SKOR2: variants seen among roughly 807,000 people sequenced by gnomAD.
SKOR2 encodes the protein SKI family transcriptional corepressor 2.
Under a neutral mutation model 69.1 loss-of-function variants are expected in SKOR2, and 47 were observed. That is an observed-to-expected ratio of 0.68 (90% CI 0.54 to 0.87). The LOEUF (loss-of-function observed/expected upper bound fraction) is 0.87. Ranked by LOEUF, SKOR2 falls within the 40% of genes least tolerant of loss-of-function variation. SKOR2 has a pLI of 0.00. For missense variants in SKOR2, 1,404 were observed against 1,472.2 expected (o/e 0.95, Z 0.76); for synonymous variants, 717 against 672.6 (o/e 1.07, Z -1.02).
chr18:47,232,144 TAAATA>T lies in SKOR2; in HGVS notation c.2753-1149_2753-1145del, dbSNP rs1190766684. Among the ~76,000 whole-genome samples the T allele has an allele frequency of 3.3e-5, 5 of 151,148 alleles. No individual in the cohort carries two copies. In the Middle Eastern group the frequency reaches 0.014, roughly 414 times the overall value. On this transcript the variant is annotated intron_variant, in intron 4 of 8. Transcript: ENST00000425639. ...ACCCTGTCTCAAAAAAACAAATAAA[TAAATA>T]AAATAAAAAGTAAAAAAAAATTAAA...
At chr18:47,211,388 C>T (rs1172426642) in intron 8 of SKOR2, among the ~76,000 whole-genome samples, 1 of 152,184 alleles carries the variant, frequency 6.6e-6, no homozygotes, top group Non-Finnish European at 1.5e-5. Flanking sequence ...CTAGTTTTTG[C>T]ATTCCCACAA....
chr18:47,248,402 G>A lies in SKOR2; in HGVS notation c.782C>T (p.Ala261Val). 6 of 1,345,644 alleles carry A rather than the reference G, an allele frequency of 4.5e-6. No homozygotes were observed. Among genetic ancestry groups the A allele is most frequent in the South Asian group, 3.1e-5 (2 of 64,132 alleles). 83.4% of individuals were successfully genotyped at this position (1,345,644 alleles called of 1,614,324 possible). The change falls in exon 2 of 9, where the codon GCG (alanine) becomes GTG (valine). Residue 261 changes from alanine to valine, a missense_variant. Physicochemically the swap from Ala to Val is moderately conservative, Grantham distance 64 (BLOSUM62 0). Around this residue, in one of 3 missense-constraint regions of SKOR2, gnomAD observed 1,266 missense variants for 1,309.9 expected, o/e 0.97. Transcript: ENST00000425639. The surrounding 1 kb of genome is among the most constrained non-coding windows in gnomAD (Gnocchi z 6.4). The stretch of plus-strand genomic sequence containing the variant: ...CGCGGCCGCGGCGGCCACGGCGGCC[G>A]CCTTCACAGAGCTGAGCGGGTGGCA... ...PACHPLSSVK[A>V]AAVAAAAAVA... is the part of the protein sequence containing the mutation.
chr18:47,221,012 G>C (rs548157504), intron 6 of SKOR2, among the ~76,000 whole-genome samples: 4 of 152,104 alleles, frequency 2.6e-5, no homozygotes, highest in Admixed American at 2.6e-4. Context: ...TTTTCCGACT[G>C]ACCACCTGCC....
At chr18:47,213,101 C>G (rs2144476584) in intron 7 of SKOR2, among the ~76,000 whole-genome samples, 1 of 152,140 alleles carries the variant, frequency 6.6e-6, no homozygotes, top group East Asian at 1.9e-4. Flanking sequence ...AGTTGGTATG[C>G]TACTTTTCAT....
intron 1 of SKOR2, among the ~76,000 whole-genome samples, 159 bp from the exon 2 acceptor site, chr18:47,249,389 T>C (rs2064303148): frequency 6.6e-6 from 1 of 152,230 alleles, no homozygotes; most frequent in Non-Finnish European, 1.5e-5. Context: ...AAGAAAGTCA[T>C]CTCTTAATTT....
chr18:47,214,140 A>C (rs746708860), intron 7 of SKOR2, among the ~76,000 whole-genome samples: 4 of 152,210 alleles, frequency 2.6e-5, no homozygotes. Context: ...CAGGAGAGAT[A>C]AGTTAAATCA....
rs905813629 is a variant in SKOR2, at chr18:47,246,477, G to A, written c.2613+94C>T. ...TTTCATTTCTGTGGGGAAATCTGGT[G>A]ATTCATCTTTCCTGCGCATATGTAA... On this transcript the variant is annotated intron_variant, in intron 2 of 8. Transcript: ENST00000425639. 2.2e-6 allele frequency: 3 copies of A among 1,343,650 alleles called. No individual in the cohort carries two copies. The African/African-American group carries it at 4.7e-5, about 21-fold the overall frequency. 83.2% of individuals were successfully genotyped at this position (1,343,650 alleles called of 1,614,324 possible). A position where few individuals can be genotyped will look rare whatever the true frequency, so the allele number is the denominator to read the frequency against.
chr18:47,220,292 G>A (rs2064157342), intron 6 of SKOR2, among the ~76,000 whole-genome samples: 1 of 152,004 alleles, frequency 6.6e-6, no homozygotes, highest in African/African-American at 2.4e-5. Context: ...ACACAATCAT[G>A]TTCTTTAACC....
At chr18:47,215,581 G>A (rs2064141575) in intron 7 of SKOR2, among the ~76,000 whole-genome samples, 1 of 152,010 alleles carries the variant, frequency 6.6e-6, no homozygotes, top group Admixed American at 6.6e-5. Flanking sequence ...CCATCATCAG[G>A]AAGTTGTAAA....
chr18:47,246,834 C>A lies in SKOR2; in HGVS notation c.2350G>T (p.Gly784Cys). ...CCTCGGCCCTGGAGGAACCGGCCGC[C>A]CCCGACTAAGGGGTCGCCGAGTAGG... ...EVLLGDPLVG[G>C]GRFLQGRGPS... Residue 784 changes from glycine to cysteine, a missense_variant, in exon 2 of 9, where the codon GGC becomes TGC. Physicochemically the swap from Gly to Cys is radical, Grantham distance 159. Transcript: ENST00000425639. The A allele has an allele frequency of 6.8e-7, 1 of 1,468,818 alleles. No homozygotes were observed. Among genetic ancestry groups the A allele is most frequent in the Non-Finnish European group, 9.0e-7 (1 of 1,116,420 alleles). The allele number at this position is 1,468,818 out of a possible 1,614,324, so 91.0% of individuals were successfully genotyped here.
At position 47,247,558 on chromosome 18, in the gene SKOR2, G is replaced by T; in HGVS notation, c.1626C>A (p.Ser542=). ...PPQVVANGPG[S]GPPPPAGGAG... is the part of the protein sequence containing the mutation. The stretch of plus-strand genomic sequence containing the variant: ...CGCCCCCGGCAGGAGGAGGTGGGCC[G>T]GAGCCCGGGCCGTTGGCCACTACCT... The change falls in exon 2 of 9, where the codon TCC becomes TCA. Residue 542 remains serine (S), a synonymous_variant. Coordinates refer to ENST00000425639, the MANE Select transcript of SKOR2 (RefSeq NM_001278063.4). This position sits in a 1 kb window ranked among gnomAD's most constrained non-coding sequence, Gnocchi z 6.6. 1 of 1,231,554 alleles carries T rather than the reference G, an allele frequency of 8.1e-7. No individual in the cohort carries two copies. The allele number at this position is 1,231,554 out of a possible 1,614,324, so 76.3% of individuals were successfully genotyped here.
At chr18:47,238,372 G>C (rs908568687) in intron 4 of SKOR2, among the ~76,000 whole-genome samples, 1 of 146,068 alleles carries the variant, frequency 6.8e-6, no homozygotes, top group African/African-American at 2.6e-5. Context: ...ACCCAGGCTG[G>C]AGTGCAGTGG....
chr18:47,210,774 T>A (rs2064125533), intron 8 of SKOR2, among the ~76,000 whole-genome samples: 1 of 152,134 alleles, frequency 6.6e-6, no homozygotes, highest in African/African-American at 2.4e-5. Flanking sequence ...AATGACTTAC[T>A]CTCTGAGCAC....
At chr18:47,207,308 G>A (rs2064116010) in intron 8 of SKOR2, among the ~76,000 whole-genome samples, 1 of 152,128 alleles carries the variant, frequency 6.6e-6, no homozygotes. Context: ...TAAAATGATT[G>A]GATTGGTTAT....
At chr18:47,215,634 A>G (rs528138579) in intron 7 of SKOR2, among the ~76,000 whole-genome samples, 12 of 152,158 alleles carry the variant, frequency 7.9e-5, no homozygotes, top group Non-Finnish European at 1.5e-4. Flanking sequence ...ATTAGTCCTT[A>G]ATCTATTGAT....
chr18:47,228,150 C>T (rs749214415), intron 6 of SKOR2, among the ~76,000 whole-genome samples: 8 of 152,220 alleles, frequency 5.3e-5, no homozygotes, highest in Non-Finnish European at 1.2e-4. Flanking sequence ...AGTTAACAAG[C>T]ACATAATGTG....
Position 47,247,524 on chromosome 18 carries a change from G to A in SKOR2, c.1660C>T (p.Arg554Cys). 2.5e-6 allele frequency: 3 copies of A among 1,213,552 alleles called. No individual in the cohort carries two copies. The highest frequency in any genetic ancestry group is 3.1e-6 in the Non-Finnish European group (3 of 977,198). 75.2% of individuals were successfully genotyped at this position (1,213,552 alleles called of 1,614,324 possible). Residue 554 changes from arginine (R) to cysteine (C), a missense_variant, in exon 2 of 9, where the codon CGC becomes TGC. Physicochemically the swap from Arg to Cys is radical, Grantham distance 180. Coordinates refer to ENST00000425639, the MANE Select transcript of SKOR2 (RefSeq NM_001278063.4). This position sits in a 1 kb window ranked among gnomAD's most constrained non-coding sequence, Gnocchi z 6.6. ...GGGGGCGACTCGAAGAGCGCGTCGC[G>A]AGAGCCGGCGCCCCCGGCAGGAGGA... The part of the protein sequence containing the change: ...PPPPAGGAGS[R>C]DALFESPPGG...
chr18:47,250,479 C>T (rs759201235), intron 1 of SKOR2, among the ~76,000 whole-genome samples: 7 of 152,246 alleles, frequency 4.6e-5, no homozygotes, highest in African/African-American at 1.7e-4. Flanking sequence ...ACATCTCAAG[C>T]GCATTGGCCA....
rs1260363456 is a variant in SKOR2, at chr18:47,247,105, C to G, written c.2079G>C (p.Pro693=). 1 of 1,101,428 alleles carries G rather than the reference C, an allele frequency of 9.1e-7. No individual in the cohort carries two copies. The highest frequency in any genetic ancestry group is 2.7e-5 in the South Asian group (1 of 37,142). The allele number at this position is 1,101,428 out of a possible 1,614,324, so 68.2% of individuals were successfully genotyped here. The stretch of plus-strand genomic sequence containing the variant: ...GCGGCGGCGGCGGCGGCGGCGGGGC[C>G]GGGTGGTGGCGCTCGGAACCCGGCT... The part of the protein sequence containing the change: ...PDEPGSERHH[P]APPPPPPPPP... Residue 693 remains proline, a synonymous_variant, in exon 2 of 9, where the codon CCG becomes CCC. Coordinates refer to ENST00000425639, the MANE Select transcript of SKOR2 (RefSeq NM_001278063.4). This position sits in a 1 kb window ranked among gnomAD's most constrained non-coding sequence, Gnocchi z 6.6.
Sources: allele counts gnomAD v4.1 joint callset (sites outside exome capture counted in the v4.1 genomes callset), GRCh38; gene constraint gnomAD v4.1.1; regional missense constraint gnomAD v4.1.1; non-coding constraint Gnocchi (gnomAD v3.1); transcripts MANE v1.5; gene names NCBI Gene and HGNC (gene_info 2026-07-23, HGNC 2026-07-21).